The following GRM4 variants were observed in gnomAD, a reference collection of about 807,000 sequenced individuals.
GRM4 encodes glutamate metabotropic receptor 4.
GRM4 carries 28 observed loss-of-function variants against 81.7 expected under a neutral mutation model. The ratio of observed to expected loss-of-function variants is 0.34; its 90% CI spans 0.25 to 0.47. The LOEUF is 0.47. GRM4 is among the 20% of genes least tolerant of loss of function. The pLI is 1.00. For synonymous variants in GRM4, 488 were observed against 528.8 expected, an observed-to-expected ratio of 0.92 and a Z score of 1.06; for missense variants, 948 against 1,290.0, an observed-to-expected ratio of 0.73 and a Z score of 4.06.
At chr6:34,060,945 G>A (rs1366987431) in intron 4 of GRM4, 3 of 152,316 alleles carry the variant, frequency 2.0e-5, no homozygotes, top group Non-Finnish European at 4.4e-5. Context: ...ATCCCTCCAG[G>A]GACCCACCAA....
intron 3 of GRM4, among the ~76,000 whole-genome samples, chr6:34,085,915 C>G (rs531587732): frequency 6.6e-6 from 1 of 152,124 alleles, no homozygotes; most frequent in Non-Finnish European, 1.5e-5. Context: ...GAATGCAGGC[C>G]GTGTGGACAT....
At chr6:34,056,359 TGGCCCCGCCCCTCAA>T (rs755270641) in intron 6 of GRM4, 170 bp downstream of exon 6, 5 of 598,588 alleles carry the variant, frequency 8.4e-6, no homozygotes, top group Non-Finnish European at 1.2e-5. Context: ...AAATCTGCTG[TGGCCCCGCCCCTCAA>T]GGCCCCGCCC....
At chr6:34,076,316 C>T (rs1168787448) in intron 3 of GRM4, among the ~76,000 whole-genome samples, 1 of 152,232 alleles carries the variant, frequency 6.6e-6, no homozygotes, top group African/African-American at 2.4e-5. Context: ...TGAAGTCCCC[C>T]TGGACCCTTC....
In GRM4 at chr6:34,100,015, T is replaced by C. The variant is rs9380406; in HGVS notation, c.520-7916A>G. On this transcript the variant is annotated intron_variant, in intron 2 of 10. Transcript: ENST00000538487. Reference sequence around the variant, plus strand: ...CTCACCTCAGGACTTGACTCCCTCATTAATCAGATCTATTCCTCTGCTCTG... The same window carrying C: ...CTCACCTCAGGACTTGACTCCCTCACTAATCAGATCTATTCCTCTGCTCTG... The C allele has an allele frequency of 0.59, 567,714 of 970,062 alleles. 167,473 individuals are homozygous for C. Among genetic ancestry groups the C allele is most frequent in the African/African-American group, 0.67 (38,111 of 56,990 alleles). The allele number at this position is 970,062 out of a possible 1,614,324, so 60.1% of individuals were successfully genotyped here.
intron 10 of GRM4, among the ~76,000 whole-genome samples, chr6:34,026,149 GAATT>G (rs1427402563): frequency 6.6e-6 from 1 of 152,178 alleles, no homozygotes; most frequent in Non-Finnish European, 1.5e-5. Flanking sequence ...TCAGGCCCCT[GAATT>G]ATTTATTCTG....
At chr6:34,057,499 C>T (rs1390089194) in intron 5 of GRM4, among the ~76,000 whole-genome samples, 1 of 152,218 alleles carries the variant, frequency 6.6e-6, no homozygotes, top group African/African-American at 2.4e-5. Context: ...TGTGGACGCT[C>T]TGGGCGGGAT....
At chr6:34,066,869 G>A (rs1451855231) in intron 3 of GRM4, among the ~76,000 whole-genome samples, 1 of 152,102 alleles carries the variant, frequency 6.6e-6, no homozygotes, top group East Asian at 1.9e-4. Context: ...CTCACGTGGT[G>A]CCGCCTGACA....
intron 3 of GRM4, among the ~76,000 whole-genome samples, chr6:34,082,187 G>A (rs1342723615): frequency 2.0e-5 from 3 of 152,186 alleles, no homozygotes; most frequent in African/African-American, 4.8e-5. Flanking sequence ...TGAGTGAAGA[G>A]GCTCAGTAAG....
At chr6:34,143,446 G>C (rs960381796) in intron 1 of GRM4, among the ~76,000 whole-genome samples, 5 of 152,204 alleles carry the variant, frequency 3.3e-5, no homozygotes, top group Admixed American at 6.5e-5. Context: ...GGCCTGCCAA[G>C]AAGAGGTGAC....
At chr6:34,095,263 C>T (rs1007246206) in intron 2 of GRM4, among the ~76,000 whole-genome samples, 1 of 152,236 alleles carries the variant, frequency 6.6e-6, no homozygotes, top group Admixed American at 6.5e-5. Flanking sequence ...AACAGGATCC[C>T]GGGGATAAGC....
chr6:34,126,231 G>T (rs929482831), intron 2 of GRM4, among the ~76,000 whole-genome samples: 1 of 152,178 alleles, frequency 6.6e-6, no homozygotes, highest in African/African-American at 2.4e-5. Flanking sequence ...TGTGACCTTG[G>T]GCAAGTTGCT....
chr6:34,133,507 C>G lies in GRM4; in HGVS notation c.-11G>C. On this transcript the variant is annotated 5_prime_UTR_variant, in exon 2 of 11. Transcript: ENST00000538487. The surrounding 1 kb of genome is among the most constrained non-coding windows in gnomAD (Gnocchi z 6.5). ...TCTCTTCCCAGGCATCTCGGAAATC[C>G]CTAGAGACCCATGAACGGCAGGCCC... 4 of 1,543,440 alleles carry G rather than the reference C, an allele frequency of 2.6e-6. No homozygotes were observed. Among genetic ancestry groups the G allele is most frequent in the Non-Finnish European group, 3.5e-6 (4 of 1,147,098 alleles).
At chr6:34,088,526 C>T (rs753699670) in intron 3 of GRM4, among the ~76,000 whole-genome samples, 3 of 152,182 alleles carry the variant, frequency 2.0e-5, no homozygotes, top group Non-Finnish European at 2.9e-5. Context: ...AATCAGCATC[C>T]GAGACAGGGC....
Position 34,070,622 on chromosome 6 carries a change from G to A in GRM4, c.737-8594C>T, listed in dbSNP as rs148821266. ...TGCTGAGGCAGGAGGGCAGGAGCTC[G>A]GAGGACAGGGGCCTCATCACTTAGC... On this transcript the variant is annotated intron_variant, in intron 3 of 10. Coordinates refer to ENST00000538487, the MANE Select transcript of GRM4 (RefSeq NM_000841.4). The surrounding 1 kb of genome is among the most constrained non-coding windows in gnomAD (Gnocchi z 4.6). Among the ~76,000 whole-genome samples the A allele has an allele frequency of 6.0e-3, 917 of 151,982 alleles. 8 individuals carry two copies. Among genetic ancestry groups the A allele is most frequent in the African/African-American group, 0.02 (822 of 41,400 alleles).
rs1769391719 is a variant in GRM4 at position 34,111,762 on chromosome 6, G to C, written c.520-19663C>G. Among the ~76,000 whole-genome samples the C allele has an allele frequency of 6.6e-6, 1 of 152,236 alleles. No homozygotes were observed. Among genetic ancestry groups the C allele is most frequent in the African/African-American group, 2.4e-5 (1 of 41,464 alleles). On this transcript the variant is annotated intron_variant, in intron 2 of 10. Transcript: ENST00000538487. The surrounding 1 kb of genome is among the most constrained non-coding windows in gnomAD (Gnocchi z 5.1). ...TTAAGGTCGCTGGGCACTGGCACCA[G>C]CTTGGGGATGCCCAGAGGCTGCCCC...
At chr6:34,105,608 A>C (rs896267838) in intron 2 of GRM4, among the ~76,000 whole-genome samples, 2 of 150,612 alleles carry the variant, frequency 1.3e-5, no homozygotes, top group African/African-American at 2.4e-5. Context: ...CTGCCTCTCC[A>C]CTCACTCCCT....
chr6:34,143,417 C>T (rs1471087590), intron 1 of GRM4, among the ~76,000 whole-genome samples: 1 of 152,198 alleles, frequency 6.6e-6, no homozygotes, highest in African/African-American at 2.4e-5. Flanking sequence ...ATTTCGAGAG[C>T]CGGTTCAGCA....
Position 34,047,828 on chromosome 6 carries a change from C to T in GRM4, c.1169-7080G>A, listed in dbSNP as rs1001221111. On this transcript the variant is annotated intron_variant, in intron 6 of 10. Transcript: ENST00000538487. The surrounding 1 kb of genome is among the most constrained non-coding windows in gnomAD (Gnocchi z 4.5). ...CCAGTGGGAGTCGATTCTTGACTCC[C>T]TCTCAAGTGTTCTTTTACAAGCTCC... is the stretch of plus-strand genomic sequence containing the variant. Among the ~76,000 whole-genome samples, 3 of 152,216 alleles carry T rather than the reference C, an allele frequency of 2.0e-5. No individual in the cohort carries two copies. The highest frequency in any genetic ancestry group is 7.2e-5 in the African/African-American group (3 of 41,452).
At chr6:34,142,417 T>C (rs879448834) in intron 1 of GRM4, among the ~76,000 whole-genome samples, 4 of 151,782 alleles carry the variant, frequency 2.6e-5, no homozygotes, top group Non-Finnish European at 5.9e-5. Context: ...GCAGATATCT[T>C]GGGGTGGGTG....
Sources: gnomAD v4.1 joint callset for allele counts (sites outside exome capture counted in the v4.1 genomes callset) on GRCh38, gnomAD v4.1.1 for gene constraint, Gnocchi (gnomAD v3.1) non-coding constraint, MANE v1.5 for transcripts, NCBI Gene and HGNC (gene_info 2026-07-23, HGNC 2026-07-21) for gene names.